Variants in ARHGAP15 observed in about 807,000 individuals in gnomAD.
The protein encoded by ARHGAP15 is Rho GTPase activating protein 15, also known as rho GTPase-activating protein 15.
In ARHGAP15, 51 loss-of-function variants were observed where a neutral mutation model predicts 63.7. The observed-to-expected ratio is 0.80, with a 90% CI of 0.64 to 1.01. The LOEUF is 1.01. Ranked by LOEUF, ARHGAP15 falls within the 50% of genes least tolerant of loss-of-function variation. The pLI is 0.00. For synonymous variants in ARHGAP15, 191 were observed against 193.8 expected (o/e 0.99, Z 0.12); for missense variants, 560 against 564.6 (o/e 0.99, Z 0.08).
At position 143,250,616 on chromosome 2, in the gene ARHGAP15, A is replaced by G. The variant is rs1184206632; in HGVS notation, c.474+16A>G. On this transcript the variant is annotated intron_variant, in intron 6 of 13. Transcript: ENST00000295095. ...TGTCTTTCAGGTAAGAATGTTACAT[A>G]TATTCAATTTATTCCTATTCTCTCT... is the stretch of plus-strand genomic sequence containing the variant. The G allele has an allele frequency of 6.3e-7, 1 of 1,598,384 alleles. No individual in the cohort carries two copies. The highest frequency in any genetic ancestry group is 1.7e-5 in the Admixed American group (1 of 59,862).
intron 6 of ARHGAP15, among the ~76,000 whole-genome samples, chr2:143,325,109 C>T (rs1684193994): frequency 6.6e-6 from 1 of 152,068 alleles, no homozygotes; most frequent in Non-Finnish European, 1.5e-5. Context: ...GCTAAACATA[C>T]ACCATTTTGA....
chr2:143,180,464 C>A (rs1691190352), intron 2 of ARHGAP15, among the ~76,000 whole-genome samples: 1 of 152,144 alleles, frequency 6.6e-6, no homozygotes, highest in African/African-American at 2.4e-5. Flanking sequence ...AAGTCCTGAA[C>A]CCCTCAAAGT....
intron 9 of ARHGAP15, among the ~76,000 whole-genome samples, chr2:143,502,234 C>T (rs1176153708): frequency 6.6e-6 from 1 of 151,888 alleles, no homozygotes; most frequent in African/African-American, 2.4e-5. Context: ...CATGATGAAA[C>T]CCCATCTCCA....
intron 11 of ARHGAP15, among the ~76,000 whole-genome samples, chr2:143,579,910 A>T (rs984305746): frequency 6.8e-6 from 1 of 148,018 alleles, no homozygotes; most frequent in East Asian, 2.0e-4. Context: ...TTTAAGTTTT[A>T]GGGTACATGT....
chr2:143,420,404 T>C (rs372843627), intron 6 of ARHGAP15, among the ~76,000 whole-genome samples: 8 of 152,166 alleles, frequency 5.3e-5, no homozygotes, highest in East Asian at 1.9e-4. Flanking sequence ...GGGAATTGTA[T>C]TGTGTATCTG....
At chr2:143,663,750 G>A (rs1427643453) in intron 12 of ARHGAP15, among the ~76,000 whole-genome samples, 1 of 150,618 alleles carries the variant, frequency 6.6e-6, no homozygotes, top group Non-Finnish European at 1.5e-5. Flanking sequence ...AACAAAAAAA[G>A]GCAGGGGTTG....
At chr2:143,669,112 T>C (rs1277687039) in intron 12 of ARHGAP15, among the ~76,000 whole-genome samples, 1 of 152,244 alleles carries the variant, frequency 6.6e-6, no homozygotes, top group African/African-American at 2.4e-5. Flanking sequence ...GACCAGGTGC[T>C]AATCTAAGCA....
chr2:143,263,907 CTTTTTTTTTTTTTTTTTTTT>C (rs373296096), intron 6 of ARHGAP15, among the ~76,000 whole-genome samples: 7 of 38,420 alleles, frequency 1.8e-4, no homozygotes, highest in Admixed American at 4.4e-4. Flanking sequence ...AAGCTGCAGT[CTTTTTTTTTTTTTTTTTTTT>C]TTTTTTTTTT....
chr2:143,356,248 G>C (rs1017089733), intron 6 of ARHGAP15, among the ~76,000 whole-genome samples: 5 of 152,142 alleles, frequency 3.3e-5, no homozygotes, highest in Non-Finnish European at 5.9e-5. Context: ...TTTAATGGTT[G>C]CTTGGAGAGA....
chr2:143,556,818 A>G (rs1264135582), intron 11 of ARHGAP15, among the ~76,000 whole-genome samples: 2 of 152,072 alleles, frequency 1.3e-5, no homozygotes, highest in Non-Finnish European at 2.9e-5. Flanking sequence ...CACTTACTAT[A>G]TGTTGATGAA....
At chr2:143,552,602 A>G (rs1695618946) in intron 10 of ARHGAP15, among the ~76,000 whole-genome samples, 1 of 152,144 alleles carries the variant, frequency 6.6e-6, no homozygotes, top group African/African-American at 2.4e-5. Context: ...AAAATCCCCT[A>G]CAGCAATACC....
intron 5 of ARHGAP15, among the ~76,000 whole-genome samples, chr2:143,245,721 G>A (rs1694025099): frequency 6.6e-6 from 1 of 151,890 alleles, no homozygotes; most frequent in Non-Finnish European, 1.5e-5. Context: ...TCTTATTCTT[G>A]GACAACTCAG....
chr2:143,252,554 C>T (rs932306758), intron 6 of ARHGAP15, among the ~76,000 whole-genome samples: 1 of 151,804 alleles, frequency 6.6e-6, no homozygotes, highest in African/African-American at 2.4e-5. Flanking sequence ...TAGTCTTGTA[C>T]TTTTAGAGAA....
intron 8 of ARHGAP15, among the ~76,000 whole-genome samples, chr2:143,445,150 A>ATTTTTTT (rs1347400449): frequency 1.4e-5 from 1 of 71,336 alleles, no homozygotes; most frequent in African/African-American, 5.9e-5. Context: ...ATTAAGAACA[A>ATTTTTTT]TTATTTTTTT....
intron 11 of ARHGAP15, among the ~76,000 whole-genome samples, chr2:143,573,956 AAT>A (rs1419340114): frequency 6.6e-6 from 1 of 152,202 alleles, no homozygotes; most frequent in Admixed American, 6.5e-5. Context: ...AGGAGAAAAA[AAT>A]ATGAATTATT....
intron 10 of ARHGAP15, among the ~76,000 whole-genome samples, chr2:143,523,055 C>A (rs1178528575): frequency 6.6e-6 from 1 of 152,094 alleles, no homozygotes; most frequent in Non-Finnish European, 1.5e-5. Flanking sequence ...AATTGACTAT[C>A]CTTTGTTGAG....
chr2:143,497,078 G>T (rs1193930632), intron 9 of ARHGAP15, among the ~76,000 whole-genome samples: 3 of 152,274 alleles, frequency 2.0e-5, no homozygotes, highest in East Asian at 3.9e-4. Context: ...ACACCAAAAA[G>T]GAAGCAGTAA....
intron 6 of ARHGAP15, among the ~76,000 whole-genome samples, chr2:143,267,485 ATTAT>A (rs979974044): frequency 6.6e-5 from 10 of 152,208 alleles, no homozygotes; most frequent in Non-Finnish European, 1.2e-4. Flanking sequence ...TGCATCAATA[ATTAT>A]TTAAGTCCAA....
chr2:143,447,791 G>T (rs1690212539), intron 8 of ARHGAP15, among the ~76,000 whole-genome samples: 1 of 152,172 alleles, frequency 6.6e-6, no homozygotes. Flanking sequence ...GGAAACAAGT[G>T]ACCGAGAGCA....
Sources: allele counts gnomAD v4.1 joint callset (sites outside exome capture counted in the v4.1 genomes callset), GRCh38; gene constraint gnomAD v4.1.1; transcripts MANE v1.5; gene names NCBI Gene and HGNC (gene_info 2026-07-23, HGNC 2026-07-21).